Variants in FOXJ3 observed in about 807,000 individuals in gnomAD.
The protein encoded by FOXJ3 is forkhead box protein J3.
In FOXJ3, 22 loss-of-function variants were observed where a neutral mutation model predicts 76.1. The ratio of observed to expected loss-of-function variants is 0.29; its 90% CI spans 0.21 to 0.41. FOXJ3 has a LOEUF of 0.41. FOXJ3 is among the 10% of genes least tolerant of loss of function. FOXJ3 has a pLI of 1.00. For synonymous variants in FOXJ3, 269 were observed against 261.2 expected (o/e 1.03, Z -0.29); for missense variants, 613 against 762.1 (o/e 0.80, Z 2.30).
At chr1:42,210,546 G>A (rs116179972) in intron 5 of FOXJ3, among the ~76,000 whole-genome samples, 110 of 152,244 alleles carry the variant, frequency 7.2e-4, no homozygotes, top group African/African-American at 2.5e-3. Flanking sequence ...TTTTCTGCAT[G>A]ACCTCAGCTA....
intron 1 of FOXJ3, among the ~76,000 whole-genome samples, chr1:42,315,815 A>G (rs1488941725): frequency 6.6e-6 from 1 of 152,360 alleles, no homozygotes; most frequent in African/African-American, 2.4e-5. Context: ...AGTTACATCC[A>G]TAATTTATTT....
intron 4 of FOXJ3, among the ~76,000 whole-genome samples, chr1:42,236,421 T>G (rs1237489618): frequency 6.6e-6 from 1 of 152,172 alleles, no homozygotes; most frequent in African/African-American, 2.4e-5. Context: ...ATCTTGAACT[T>G]CCGGCCTCTA....
At chr1:42,247,446 T>C (rs1649640743) in intron 4 of FOXJ3, among the ~76,000 whole-genome samples, 1 of 152,076 alleles carries the variant, frequency 6.6e-6, no homozygotes, top group Non-Finnish European at 1.5e-5. Flanking sequence ...AAGGGAGAAA[T>C]AATTCCATTT....
chr1:42,228,499 C>T (rs1450204318), intron 4 of FOXJ3, among the ~76,000 whole-genome samples: 4 of 145,428 alleles, frequency 2.8e-5, no homozygotes, highest in African/African-American at 7.7e-5. Context: ...CAAGTTATCA[C>T]AGCATTCATT....
At chr1:42,284,514 C>A (rs537637149) in intron 2 of FOXJ3, among the ~76,000 whole-genome samples, 64 of 152,322 alleles carry the variant, frequency 4.2e-4, no homozygotes, top group Middle Eastern at 3.4e-3. Flanking sequence ...CCTTGTCCTG[C>A]AATTTCAGCT....
At chr1:42,249,069 A>C (rs1276259682) in intron 4 of FOXJ3, among the ~76,000 whole-genome samples, 1 of 152,112 alleles carries the variant, frequency 6.6e-6, no homozygotes, top group East Asian at 1.9e-4. Flanking sequence ...ATGTCCCTGC[A>C]AAGGATGTGA....
chr1:42,323,774 G>A, intron 1 of FOXJ3: 1 of 753,664 alleles, frequency 1.3e-6, no homozygotes, highest in Non-Finnish European at 1.6e-6. Flanking sequence ...AATAATTGAA[G>A]GATTATCTTG....
At chr1:42,238,948 A>G (rs1395102775) in intron 4 of FOXJ3, among the ~76,000 whole-genome samples, 1 of 152,160 alleles carries the variant, frequency 6.6e-6, no homozygotes, top group Non-Finnish European at 1.5e-5. Flanking sequence ...ACATGTCTCC[A>G]TTCATGTAGA....
rs16829181 is a variant in FOXJ3 at position 42,179,544 on chromosome 1, G to C, written c.*166C>G. On this transcript the variant is annotated 3_prime_UTR_variant, in exon 13 of 13. Transcript: ENST00000361346. ...TAGTACTTGCTTGGGTCAGATAAAAGCAGTAAGTTATCCAGCTAAAATCCT... is the reference window on the plus strand; with the variant it reads ...TAGTACTTGCTTGGGTCAGATAAAACCAGTAAGTTATCCAGCTAAAATCCT... The C allele has an allele frequency of 5.5e-3, 2,766 of 506,456 alleles. 73 individuals carry two copies. The highest frequency in any genetic ancestry group is 0.048 in the African/African-American group (2,467 of 51,734). The allele number at this position is 506,456 out of a possible 1,614,324, so 31.4% of individuals were successfully genotyped here. A position where few individuals can be genotyped will look rare whatever the true frequency, so the allele number is the denominator to read the frequency against.
intron 5 of FOXJ3, among the ~76,000 whole-genome samples, chr1:42,226,998 T>C (rs1647624290): frequency 6.6e-6 from 1 of 152,262 alleles, no homozygotes; most frequent in African/African-American, 2.4e-5. Flanking sequence ...TAGTATCTAT[T>C]ATAAGCTGTG....
At chr1:42,247,896 C>T (rs1649675083) in intron 4 of FOXJ3, among the ~76,000 whole-genome samples, 1 of 152,196 alleles carries the variant, frequency 6.6e-6, no homozygotes, top group African/African-American at 2.4e-5. Flanking sequence ...TGTGGTATAG[C>T]TATCCAATGG....
intron 1 of FOXJ3, among the ~76,000 whole-genome samples, chr1:42,311,919 T>C (rs1654838897): frequency 6.6e-6 from 1 of 152,220 alleles, no homozygotes; most frequent in Non-Finnish European, 1.5e-5. Flanking sequence ...AGCACTACTA[T>C]GGAGCACATG....
chr1:42,295,517 G>GTT (rs1653727267), intron 2 of FOXJ3, among the ~76,000 whole-genome samples: 3 of 130,042 alleles, frequency 2.3e-5, no homozygotes, highest in African/African-American at 9.1e-5. Flanking sequence ...GACTACAAGT[G>GTT]TCTTTTTTTT....
intron 1 of FOXJ3, among the ~76,000 whole-genome samples, chr1:42,324,111 C>CTGTATATAT (rs1557725945): frequency 3.6e-5 from 1 of 27,510 alleles, no homozygotes; most frequent in Non-Finnish European, 6.9e-5. Context: ...TGTGTATATA[C>CTGTATATAT]ACTGTATATA....
At chr1:42,285,561 T>TC (rs1486688745) in intron 2 of FOXJ3, among the ~76,000 whole-genome samples, 1 of 152,140 alleles carries the variant, frequency 6.6e-6, no homozygotes, top group East Asian at 1.9e-4. Context: ...TCTAAAATAC[T>TC]CCCCAAGGCT....
intron 3 of FOXJ3, among the ~76,000 whole-genome samples, chr1:42,270,186 C>T (rs1001309322): frequency 6.6e-6 from 1 of 152,192 alleles, no homozygotes; most frequent in African/African-American, 2.4e-5. Context: ...CTAAATCAAT[C>T]TACTCAGTTT....
At chr1:42,241,164 A>G (rs1377672762) in intron 4 of FOXJ3, among the ~76,000 whole-genome samples, 1 of 152,056 alleles carries the variant, frequency 6.6e-6, no homozygotes, top group Non-Finnish European at 1.5e-5. Context: ...AACCCTAACC[A>G]CAGAAGAATC....
chr1:42,297,237 T>C (rs372003714), intron 2 of FOXJ3, among the ~76,000 whole-genome samples: 8 of 152,220 alleles, frequency 5.3e-5, no homozygotes, highest in South Asian at 2.1e-4. Context: ...AAACTTCCTC[T>C]TTTCCAATTT....
At chr1:42,319,244 G>GTTTTA (rs1316208775) in intron 1 of FOXJ3, among the ~76,000 whole-genome samples, 1 of 151,288 alleles carries the variant, frequency 6.6e-6, no homozygotes, top group Non-Finnish European at 1.5e-5. Context: ...GTTTTGTTTT[G>GTTTTA]TTTAAAAAGT....
Sources: allele counts gnomAD v4.1 joint callset (sites outside exome capture counted in the v4.1 genomes callset), GRCh38; gene constraint gnomAD v4.1.1; transcripts MANE v1.5; gene names NCBI Gene and HGNC (gene_info 2026-07-23, HGNC 2026-07-21).